SOX6: variants seen among roughly 807,000 people sequenced by gnomAD.
SOX6 encodes the protein transcription factor SOX-6.
A neutral mutation model predicts 97.8 loss-of-function variants in SOX6; 11 were observed. That is an observed-to-expected ratio of 0.11 (90% CI 0.07 to 0.19). The LOEUF (loss-of-function observed/expected upper bound fraction) is 0.19. SOX6 is among the 10% of genes least tolerant of loss of function. The pLI is 1.00. For missense variants in SOX6, 810 were observed against 1,039.5 expected (o/e 0.78, Z 3.04); for synonymous variants, 360 against 371.4 (o/e 0.97, Z 0.35).
At chr11:16,446,230 T>C (rs567103164) in intron 1 of SOX6, among the ~76,000 whole-genome samples, 10 of 149,302 alleles carry the variant, frequency 6.7e-5, no homozygotes, top group Admixed American at 4.0e-4. Flanking sequence ...GATGACAAGA[T>C]GGAGGAGAGA....
At chr11:16,728,542 G>A (rs967564908) in intron 2 of SOX6, among the ~76,000 whole-genome samples, 2 of 152,080 alleles carry the variant, frequency 1.3e-5, no homozygotes, top group African/African-American at 4.8e-5. Flanking sequence ...CAACATCAAC[G>A]GAAACGACGT....
chr11:15,983,198 T>C (rs1345118703), intron 15 of SOX6, among the ~76,000 whole-genome samples: 1 of 151,972 alleles, frequency 6.6e-6, no homozygotes, highest in Non-Finnish European at 1.5e-5. Flanking sequence ...TACCCACACA[T>C]ACACACACAC....
At chr11:16,067,378 C>T (rs1158389608) in intron 9 of SOX6, among the ~76,000 whole-genome samples, 1 of 152,082 alleles carries the variant, frequency 6.6e-6, no homozygotes, top group Non-Finnish European at 1.5e-5. Context: ...TTTTCCCGTG[C>T]TGTTCTCATG....
intron 9 of SOX6, among the ~76,000 whole-genome samples, chr11:16,078,055 A>C (rs1431960609): frequency 6.6e-6 from 1 of 152,224 alleles, no homozygotes; most frequent in African/African-American, 2.4e-5. Context: ...TACAGAAATA[A>C]AAGTTAGTTA....
intron 2 of SOX6, among the ~76,000 whole-genome samples, chr11:16,322,444 C>T (rs1211579362): frequency 6.6e-6 from 1 of 152,146 alleles, no homozygotes; most frequent in Non-Finnish European, 1.5e-5. Flanking sequence ...GCTTCCTGTA[C>T]AGCCTGCAGA....
At chr11:16,164,460 T>C (rs1370500985) in intron 6 of SOX6, among the ~76,000 whole-genome samples, 2 of 152,244 alleles carry the variant, frequency 1.3e-5, no homozygotes, top group African/African-American at 4.8e-5. Flanking sequence ...GTACTTGTTT[T>C]CAAGATGTTC....
chr11:16,008,267 A>G (rs1252830767), intron 13 of SOX6, among the ~76,000 whole-genome samples: 1 of 152,120 alleles, frequency 6.6e-6, no homozygotes, highest in Non-Finnish European at 1.5e-5. Flanking sequence ...TCTACAGTTG[A>G]TTGAATCTAC....
chr11:16,492,765 C>G (rs182416705), intron 4 of SOX6, among the ~76,000 whole-genome samples: 1 of 152,036 alleles, frequency 6.6e-6, no homozygotes, highest in African/African-American at 2.4e-5. Flanking sequence ...TGTATTAAAA[C>G]GCCTACAAAT....
intron 1 of SOX6, among the ~76,000 whole-genome samples, chr11:16,361,672 T>C (rs1857214882): frequency 1.3e-5 from 2 of 152,070 alleles, no homozygotes; most frequent in Admixed American, 1.3e-4. Flanking sequence ...CCTGAACCAG[T>C]GAAATACAAC....
chr11:16,721,333 G>A (rs1329154903), intron 2 of SOX6, among the ~76,000 whole-genome samples: 2 of 152,068 alleles, frequency 1.3e-5, no homozygotes, highest in Admixed American at 6.5e-5. Context: ...GATGGCTATG[G>A]GTGATAGGAT....
intron 3 of SOX6, among the ~76,000 whole-genome samples, chr11:16,641,587 C>T (rs1848915236): frequency 6.6e-6 from 1 of 152,182 alleles, no homozygotes; most frequent in African/African-American, 2.4e-5. Flanking sequence ...AATCTGGGTG[C>T]TCCTGTATTG....
chr11:16,554,762 G>A (rs1046141453), intron 4 of SOX6, among the ~76,000 whole-genome samples: 43 of 151,980 alleles, frequency 2.8e-4, no homozygotes, highest in Non-Finnish European at 5.4e-4. Context: ...CGAGAAGGAG[G>A]TCAGTCTGAA....
At chr11:16,632,338 C>A (rs1004080432) in intron 3 of SOX6, among the ~76,000 whole-genome samples, 3 of 152,094 alleles carry the variant, frequency 2.0e-5, no homozygotes, top group Non-Finnish European at 4.4e-5. Context: ...CCATGCACTT[C>A]TTTGGGCAGG....
chr11:16,704,362 A>G (rs1328381362), intron 3 of SOX6, among the ~76,000 whole-genome samples: 1 of 152,216 alleles, frequency 6.6e-6, no homozygotes, highest in African/African-American at 2.4e-5. Flanking sequence ...AAAAATGCAA[A>G]AGACCAAATG....
At chr11:16,345,431 G>C (rs957311680) in intron 1 of SOX6, among the ~76,000 whole-genome samples, 2 of 151,884 alleles carry the variant, frequency 1.3e-5, no homozygotes, top group Non-Finnish European at 2.9e-5. Context: ...GAAGAACTTC[G>C]GGCTTAGGAC....
intron 4 of SOX6, among the ~76,000 whole-genome samples, chr11:16,228,371 T>A (rs924674968): frequency 1.3e-5 from 2 of 152,210 alleles, no homozygotes; most frequent in African/African-American, 4.8e-5. Context: ...TTTAGATGAC[T>A]ACTATTAAAT....
intron 3 of SOX6, among the ~76,000 whole-genome samples, chr11:16,273,097 G>A (rs577795512): frequency 1.3e-4 from 20 of 151,630 alleles, no homozygotes; most frequent in South Asian, 8.3e-4. Context: ...ATTTCACTCC[G>A]TCAATTACTT....
At chr11:16,245,423 T>C (rs1467184936) in intron 3 of SOX6, among the ~76,000 whole-genome samples, 2 of 151,726 alleles carry the variant, frequency 1.3e-5, no homozygotes, top group Admixed American at 1.3e-4. Context: ...TGTAGTGTTC[T>C]AGCAACATCA....
intron 3 of SOX6, among the ~76,000 whole-genome samples, chr11:16,655,745 T>TA (rs1486084224): frequency 6.6e-6 from 1 of 152,254 alleles, no homozygotes; most frequent in Non-Finnish European, 1.5e-5. Flanking sequence ...TCATGTTTTT[T>TA]ATCTCTAGGT....
Sources: gnomAD v4.1 joint callset for allele counts (sites outside exome capture counted in the v4.1 genomes callset) on GRCh38, gnomAD v4.1.1 for gene constraint, MANE v1.5 for transcripts, NCBI Gene and HGNC (gene_info 2026-07-23, HGNC 2026-07-21) for gene names.